The following POP1 variants were observed in gnomAD, a reference collection of about 807,000 sequenced individuals.
POP1 encodes the protein POP1 ribonuclease P/MRP subunit, also known as ribonucleases P/MRP protein subunit POP1.
A neutral mutation model predicts 102.2 loss-of-function variants in POP1; 75 were observed. That is an observed-to-expected ratio of 0.73 (90% confidence interval 0.61 to 0.89). The LOEUF is 0.89. POP1 is among the 40% of genes least tolerant of loss of function. The pLI is 0.00. For synonymous variants in POP1, 436 were observed against 464.1 expected (o/e 0.94, Z 0.78); for missense variants, 1,116 against 1,267.4 (o/e 0.88, Z 1.81).
chr8:98,129,697 A>C (rs1224271858), intron 4 of POP1, among the ~76,000 whole-genome samples: 1 of 152,186 alleles, frequency 6.6e-6, no homozygotes, highest in Non-Finnish European at 1.5e-5. Flanking sequence ...TGTGTTGAAC[A>C]TTTTATAAGT....
In POP1 at chr8:98,134,377, A is replaced by C. The variant is rs16896659; in HGVS notation, c.824-95A>C. 190,601 of 1,307,670 alleles carry C rather than the reference A, an allele frequency of 0.15. 15,046 individuals are homozygous for C. The highest frequency in any genetic ancestry group is 0.27 in the East Asian group (11,812 of 43,412). 81.0% of individuals were successfully genotyped at this position (1,307,670 alleles called of 1,614,324 possible). On this transcript the variant is annotated intron_variant, in intron 6 of 15. Transcript: ENST00000401707. The stretch of plus-strand genomic sequence containing the variant: ...CCTCACAACCAAAACTTCACCTCTC[A>C]TGGAGGCAGACAGTAAATGACAGTG...
At chr8:98,140,568 T>C (rs1462810443) in intron 10 of POP1, among the ~76,000 whole-genome samples, 1 of 152,254 alleles carries the variant, frequency 6.6e-6, no homozygotes, top group Non-Finnish European at 1.5e-5. Flanking sequence ...GTTGGCCTCA[T>C]GTTTTTTGCA....
At chr8:98,142,096 C>G (rs1417521068) in intron 11 of POP1, among the ~76,000 whole-genome samples, 1 of 152,138 alleles carries the variant, frequency 6.6e-6, no homozygotes, top group Non-Finnish European at 1.5e-5. Flanking sequence ...GCAGCATTTA[C>G]TACACCATTA....
intron 9 of POP1, among the ~76,000 whole-genome samples, chr8:98,137,156 T>C (rs557324534): frequency 3.2e-4 from 48 of 152,350 alleles, no homozygotes; most frequent in African/African-American, 1.1e-3. Context: ...ATCAGTAAAC[T>C]GACTGTTCTT....
rs761605092 is a variant in POP1 at position 98,136,754 on chromosome 8, G to A, written c.1268+16G>A. 6.2e-7 allele frequency: 1 copy of A among 1,613,712 alleles called. No homozygotes were observed. The highest frequency in any genetic ancestry group is 2.2e-5 in the East Asian group (1 of 44,880). ...TTATAATCAGGTATGAGTTGAATTT[G>A]CTTTGAACCTACTGAACATTTTCAG... On this transcript the variant is annotated intron_variant, in intron 8 of 15. Coordinates refer to ENST00000401707, the MANE Select transcript of POP1 (RefSeq NM_001145860.2).
rs2130636926 is a variant in POP1 at position 98,156,532 on chromosome 8, C to A, written c.2420+120C>A. The A allele has an allele frequency of 8.5e-6, 11 of 1,301,224 alleles. No homozygotes were observed. In the South Asian group the frequency reaches 1.2e-4, roughly 15 times the overall value. 80.6% of individuals were successfully genotyped at this position (1,301,224 alleles called of 1,614,324 possible). On this transcript the variant is annotated intron_variant, in intron 15 of 15. Coordinates refer to ENST00000401707, the MANE Select transcript of POP1 (RefSeq NM_001145860.2). ...AAATCCAAGTGAATTTATAGGCTTT[C>A]TGGAAGGGAAAGCCAGTCTTTTATA... is the stretch of plus-strand genomic sequence containing the variant.
At position 98,156,155 on chromosome 8, in the gene POP1, T is replaced by C. The variant is rs16896695; in HGVS notation, c.2163T>C (p.Ala721=). ...AAGACTGGGAGTCAAGAGTCCAGGC[T>C]TACGAAGAACCTTCTGTAGCTTCAT... ...LTQDWESRVQ[A]YEEPSVASSP... Residue 721 remains alanine, a synonymous_variant, in exon 15 of 16, where the codon GCT becomes GCC. Transcript: ENST00000401707. The C allele has an allele frequency of 0.049, 78,921 of 1,613,882 alleles. 2,823 individuals are homozygous for C. Among genetic ancestry groups the C allele is most frequent in the African/African-American group, 0.14 (10,148 of 74,904 alleles).
chr8:98,126,264 G>A lies in POP1; in HGVS notation c.143-1331G>A, dbSNP rs920252132. Among the ~76,000 whole-genome samples, 9 of 152,100 alleles carry A rather than the reference G, an allele frequency of 5.9e-5. No homozygotes were observed. In the South Asian group the frequency reaches 8.3e-4, roughly 14 times the overall value. On this transcript the variant is annotated intron_variant, in intron 2 of 15. Coordinates refer to ENST00000401707, the MANE Select transcript of POP1 (RefSeq NM_001145860.2). ...TGGATTATAGTATTAAGGGAGTGTC[G>A]TTTGGGCTGCTGTAACAAAATACAG...
Position 98,136,863 on chromosome 8 carries a change from A to C in POP1, c.1271A>C (p.Asp424Ala). 6.2e-7 allele frequency: 1 copy of C among 1,613,686 alleles called. No homozygotes were observed. Among genetic ancestry groups the C allele is most frequent in the South Asian group, 1.1e-5 (1 of 91,074 alleles). ...TTAAGATGTTCTTTCTTTTTCAGCG[A>C]TTTGACGATGGAGATGAACAGATTC... ...ISPTTGIIIS[D>A]LTMEMNRFRL... is the part of the protein sequence containing the mutation. Residue 424 changes from aspartate to alanine, a missense_variant and splice_region_variant, in exon 9 of 16, where the codon GAT (aspartate) becomes GCT (alanine). Coordinates refer to ENST00000401707, the MANE Select transcript of POP1 (RefSeq NM_001145860.2).
chr8:98,138,112 A>G (rs1816601006), intron 9 of POP1, among the ~76,000 whole-genome samples: 1 of 152,192 alleles, frequency 6.6e-6, no homozygotes, highest in African/African-American at 2.4e-5. Context: ...TTCTAGAGGG[A>G]ACCTTAAGTT....
At chr8:98,127,980 T>A (rs3802195) in intron 3 of POP1, among the ~76,000 whole-genome samples, 4 of 151,880 alleles carry the variant, frequency 2.6e-5, no homozygotes, top group African/African-American at 4.8e-5. Flanking sequence ...TCTCTTACTC[T>A]TCTTCTTACA....
chr8:98,123,814 T>C (rs1338992852), intron 2 of POP1, among the ~76,000 whole-genome samples: 1 of 151,692 alleles, frequency 6.6e-6, no homozygotes, highest in African/African-American at 2.4e-5. Context: ...CTCTCTCCAC[T>C]CCCATTTTGA....
At chr8:98,154,690 C>T (rs889446965) in intron 14 of POP1, among the ~76,000 whole-genome samples, 1 of 152,088 alleles carries the variant, frequency 6.6e-6, no homozygotes, top group Non-Finnish European at 1.5e-5. Flanking sequence ...GCAGCATGAC[C>T]GTCAAGATCA....
At chr8:98,118,530 A>G (rs1438537454) in intron 1 of POP1, among the ~76,000 whole-genome samples, 1 of 151,986 alleles carries the variant, frequency 6.6e-6, no homozygotes, top group East Asian at 1.9e-4. Flanking sequence ...GGCTGAAGCA[A>G]TCCTCCAGCC....
chr8:98,128,554 T>G lies in POP1; in HGVS notation c.486+14T>G, dbSNP rs776715353. On this transcript the variant is annotated intron_variant, in intron 4 of 15. Coordinates refer to ENST00000401707, the MANE Select transcript of POP1 (RefSeq NM_001145860.2). ...GCCCAGAAAGAGGTAGGAGTTCCACTTAGTGTAAATGTTTAGATTAGTAGC... is the reference window on the plus strand; with the variant it reads ...GCCCAGAAAGAGGTAGGAGTTCCACGTAGTGTAAATGTTTAGATTAGTAGC... The G allele has an allele frequency of 7.2e-5, 116 of 1,612,688 alleles. No individual in the cohort carries two copies. Among genetic ancestry groups the G allele is most frequent in the Non-Finnish European group, 9.5e-5 (112 of 1,178,928 alleles).
At chr8:98,133,272 A>T (rs1816435981) in intron 5 of POP1, among the ~76,000 whole-genome samples, 1 of 152,112 alleles carries the variant, frequency 6.6e-6, no homozygotes, top group African/African-American at 2.4e-5. Context: ...GGATACTATA[A>T]CTATTGAAAC....
At position 98,150,337 on chromosome 8, in the gene POP1, T is replaced by C. The variant is rs1178141585; in HGVS notation, c.1903-148T>C. ...TGACGAAGCTCGATTTTATTCATTT[T>C]TACTATTGCATGGTAATCCATTGTG... is the stretch of plus-strand genomic sequence containing the variant. On this transcript the variant is annotated intron_variant, in intron 13 of 15. Coordinates refer to ENST00000401707, the MANE Select transcript of POP1 (RefSeq NM_001145860.2). The C allele has an allele frequency of 6.0e-6, 5 of 830,132 alleles. No homozygotes were observed. In the African/African-American group the frequency reaches 6.8e-5, roughly 11 times the overall value. 51.4% of individuals were successfully genotyped at this position (830,132 alleles called of 1,614,324 possible).
chr8:98,122,025 C>T (rs536524206), intron 1 of POP1, among the ~76,000 whole-genome samples: 3 of 151,988 alleles, frequency 2.0e-5, no homozygotes, highest in East Asian at 3.9e-4. Flanking sequence ...GATGGGGTTT[C>T]GCCATGGTGG....
At chr8:98,149,061 A>C (rs1489904223) in intron 13 of POP1, 55 bp downstream of exon 13, 1 of 1,472,378 alleles carries the variant, frequency 6.8e-7, no homozygotes, top group African/African-American at 1.4e-5. Flanking sequence ...TTCCTAATAA[A>C]TGCTAAGTAC....
Sources: gnomAD v4.1 joint callset for allele counts (sites outside exome capture counted in the v4.1 genomes callset) on GRCh38, gnomAD v4.1.1 for gene constraint, MANE v1.5 for transcripts, NCBI Gene and HGNC (gene_info 2026-07-23, HGNC 2026-07-21) for gene names.